MTMR3: variants seen among roughly 807,000 people sequenced by gnomAD.
MTMR3 encodes the protein myotubularin related protein 3, also known as phosphatidylinositol-3,5-bisphosphate 3-phosphatase MTMR3.
MTMR3 carries 32 observed loss-of-function variants against 132.4 expected under a neutral mutation model. The observed-to-expected ratio is 0.24, with a 90% CI of 0.18 to 0.32. The LOEUF (loss-of-function observed/expected upper bound fraction) is 0.32, where lower values mean the gene tolerates loss of function less well. Among genes scored for constraint, MTMR3 ranks in the 10% least tolerant of loss-of-function variants. The pLI is 1.00. For missense variants in MTMR3, 1,216 were observed against 1,489.6 expected (o/e 0.82, Z 3.02); for synonymous variants, 556 against 550.3 (o/e 1.01, Z -0.14).
intron 19 of MTMR3, chr22:30,023,417 G>A (rs1157962389): frequency 1.2e-6 from 2 of 1,612,706 alleles, no homozygotes; most frequent in Non-Finnish European, 1.7e-6. Flanking sequence ...AGATATCTTT[G>A]GTTGGCTTCT....
intron 1 of MTMR3, among the ~76,000 whole-genome samples, chr22:29,954,008 C>T (rs79310891): frequency 0.027 from 3,925 of 145,438 alleles, 177 homozygotes; most frequent in African/African-American, 0.096. Flanking sequence ...TACCAGAGAG[C>T]TTCTTTCAGA....
chr22:29,940,143 C>T (rs2065828847), intron 1 of MTMR3, among the ~76,000 whole-genome samples: 1 of 152,154 alleles, frequency 6.6e-6, no homozygotes, highest in Admixed American at 6.5e-5. Context: ...TGGCGGGCGA[C>T]TGTAGTCCCA....
At chr22:29,945,205 G>C (rs184883424) in intron 1 of MTMR3, among the ~76,000 whole-genome samples, 9 of 152,046 alleles carry the variant, frequency 5.9e-5, no homozygotes, top group Non-Finnish European at 1.2e-4. Flanking sequence ...GGATTTTGCC[G>C]TGTTGCCCAG....
intron 1 of MTMR3, among the ~76,000 whole-genome samples, chr22:29,883,608 C>T (rs1175075186): frequency 6.6e-6 from 1 of 152,062 alleles, no homozygotes; most frequent in Non-Finnish European, 1.5e-5. Context: ...ACCCTAGATG[C>T]GGGGGAGGCG....
chr22:29,976,136 TA>T (rs1290707073), intron 3 of MTMR3, among the ~76,000 whole-genome samples: 13 of 141,292 alleles, frequency 9.2e-5, no homozygotes, highest in African/African-American at 2.3e-4. Flanking sequence ...TTTTTTTTTT[TA>T]AATCACACTT....
chr22:29,905,241 T>C (rs1443120461), intron 1 of MTMR3, among the ~76,000 whole-genome samples: 1 of 152,180 alleles, frequency 6.6e-6, no homozygotes, highest in Non-Finnish European at 1.5e-5. Context: ...GGAACCTGCC[T>C]ATATGAAAAG....
chr22:30,002,936 A>T lies in MTMR3; in HGVS notation c.614A>T (p.Glu205Val). The change falls in exon 9 of 20, where the codon GAA becomes GTA. Residue 205 changes from glutamate to valine, a missense_variant. Coordinates refer to ENST00000401950, the MANE Select transcript of MTMR3 (RefSeq NM_021090.4). ...GTGCCTGCCTGGATCACTGACAAAG[A>T]ACTGGAAAGTGTATCAAGTTTCAGG... The part of the protein sequence containing the change: ...LIVPAWITDK[E>V]LESVSSFRSW... The T allele has an allele frequency of 6.2e-7, 1 of 1,614,052 alleles. No homozygotes were observed. Among genetic ancestry groups the T allele is most frequent in the Non-Finnish European group, 8.5e-7 (1 of 1,179,944 alleles).
chr22:30,005,264 T>C (rs1218396971), intron 9 of MTMR3: 1 of 152,244 alleles, frequency 6.6e-6, no homozygotes, highest in African/African-American at 2.4e-5. Context: ...TTAGTGATTT[T>C]TAACTGTAGT....
intron 1 of MTMR3, among the ~76,000 whole-genome samples, 172 bp downstream of exon 1, chr22:29,883,531 T>A (rs913077208): frequency 6.6e-6 from 1 of 151,546 alleles, no homozygotes; most frequent in Non-Finnish European, 1.5e-5. Flanking sequence ...CCGGCGGCTG[T>A]CGCCGCCAGG....
chr22:29,913,467 C>A (rs2145752633), intron 1 of MTMR3, among the ~76,000 whole-genome samples: 1 of 152,286 alleles, frequency 6.6e-6, no homozygotes, highest in African/African-American at 2.4e-5. Flanking sequence ...ATACCTTTGA[C>A]TCTTTTTGCT....
At position 29,884,580 on chromosome 22, in the gene MTMR3, T is replaced by A. The variant is rs111444479; in HGVS notation, c.-138+1221T>A. ...TTTTTTTTTTTTTTTTTTTTTTTTT[T>A]AAGACAGAATCTCTCTCTCCCGCCC... On this transcript the variant is annotated intron_variant, in intron 1 of 19. Coordinates refer to ENST00000401950, the MANE Select transcript of MTMR3 (RefSeq NM_021090.4). Among the ~76,000 whole-genome samples, 560 of 77,490 alleles carry A rather than the reference T, an allele frequency of 7.2e-3. 6 individuals carry two copies. The highest frequency in any genetic ancestry group is 0.023 in the African/African-American group (516 of 22,026). The allele number at this position is 77,490 out of a possible 152,430, so 50.8% of individuals were successfully genotyped here. A position where few individuals can be genotyped will look rare whatever the true frequency, so the allele number is the denominator to read the frequency against.
chr22:29,985,902 G>T (rs1461583065), intron 5 of MTMR3: 1 of 152,178 alleles, frequency 6.6e-6, no homozygotes, highest in Non-Finnish European at 1.5e-5. Context: ...TTAAATTTGG[G>T]CACGGGCCAT....
intron 1 of MTMR3, among the ~76,000 whole-genome samples, chr22:29,889,618 A>AAT (rs1454356303): frequency 6.6e-6 from 1 of 151,970 alleles, no homozygotes; most frequent in African/African-American, 2.4e-5. Context: ...TAAAAAAAAA[A>AAT]GTAGAGATGA....
chr22:30,020,847 G>A lies in MTMR3; in HGVS notation c.3188G>A (p.Ser1063Asn), dbSNP rs777386794. The A allele has an allele frequency of 6.2e-7, 1 of 1,604,676 alleles. No homozygotes were observed. Among genetic ancestry groups the A allele is most frequent in the South Asian group, 1.1e-5 (1 of 89,872 alleles). Residue 1063 changes from serine to asparagine, a missense_variant, in exon 17 of 20, where the codon AGC becomes AAC. Around this residue, in one of 7 missense-constraint regions of MTMR3, gnomAD observed 852 missense variants for 852.0 expected, o/e 1.00. Coordinates refer to ENST00000401950, the MANE Select transcript of MTMR3 (RefSeq NM_021090.4). ...CGCCTGGAGAGCCAGTACCTGACCA[G>A]CTCCCTACACTTTAATGGAGACTTT... Reference protein sequence around the residue: ...KSRLESQYLTSSLHFNGDFGD... With the variant: ...KSRLESQYLTNSLHFNGDFGD...
rs904221534 is a variant in MTMR3 at position 30,028,784 on chromosome 22, G to A, written c.*2983G>A. The A allele has an allele frequency of 6.6e-6, 1 of 152,368 alleles. No homozygotes were observed. The highest frequency in any genetic ancestry group is 1.5e-5 in the Non-Finnish European group (1 of 68,054). 9.4% of individuals were successfully genotyped at this position (152,368 alleles called of 1,614,324 possible). On this transcript the variant is annotated 3_prime_UTR_variant, in exon 20 of 20. Transcript: ENST00000401950. Reference sequence around the variant, plus strand: ...CTGAGCTGGTTCTAGTGTGAAAGCCGTAAGTGCCACCCAGCAGGCGTTTGA... The same window carrying A: ...CTGAGCTGGTTCTAGTGTGAAAGCCATAAGTGCCACCCAGCAGGCGTTTGA...
At position 30,002,825 on chromosome 22, in the gene MTMR3, TTC is replaced by T. The variant is rs1229031471; in HGVS notation, c.558-48_558-47del. The stretch of plus-strand genomic sequence containing the variant: ...CTAGTGTCTCTCTCTCTCTCCCGTT[TTC>T]TCTCTCCCTCTCTTATCCCCTTGAC... On this transcript the variant is annotated intron_variant, in intron 8 of 19. Transcript: ENST00000401950. 7.4e-6 allele frequency: 10 copies of T among 1,351,690 alleles called. No individual in the cohort carries two copies. The East Asian group carries it at 1.4e-4, about 19-fold the overall frequency. The allele number at this position is 1,351,690 out of a possible 1,614,324, so 83.7% of individuals were successfully genotyped here.
intron 1 of MTMR3, among the ~76,000 whole-genome samples, chr22:29,906,795 T>G (rs1268194395): frequency 1.3e-5 from 2 of 152,116 alleles, no homozygotes; most frequent in Non-Finnish European, 2.9e-5. Context: ...AAATTAAAAA[T>G]TTGGCTGGTG....
At chr22:29,938,528 T>G (rs964326234) in intron 1 of MTMR3, among the ~76,000 whole-genome samples, 28 of 152,346 alleles carry the variant, frequency 1.8e-4, no homozygotes, top group African/African-American at 5.1e-4. Flanking sequence ...TGGAATCATA[T>G]AGAGAGAAAT....
intron 1 of MTMR3, among the ~76,000 whole-genome samples, chr22:29,948,444 T>G (rs139025427): frequency 6.6e-6 from 1 of 152,304 alleles, no homozygotes; most frequent in East Asian, 1.9e-4. Flanking sequence ...TTAGCTAGGT[T>G]TGGGATACTG....
Sources: allele counts gnomAD v4.1 joint callset (sites outside exome capture counted in the v4.1 genomes callset), GRCh38; gene constraint gnomAD v4.1.1; regional missense constraint gnomAD v4.1.1; transcripts MANE v1.5; gene names NCBI Gene and HGNC (gene_info 2026-07-23, HGNC 2026-07-21).